Variants in PLXNA1 observed in about 807,000 individuals in gnomAD.
The protein encoded by PLXNA1 is plexin-A1.
A neutral mutation model predicts 191.7 loss-of-function variants in PLXNA1; 77 were observed. The observed-to-expected ratio is 0.40, with a 90% CI of 0.33 to 0.49. The LOEUF (loss-of-function observed/expected upper bound fraction) is 0.49, where lower values mean the gene tolerates loss of function less well. Ranked by LOEUF, PLXNA1 falls within the 20% of genes least tolerant of loss-of-function variation. The pLI, the probability that PLXNA1 is intolerant of heterozygous loss-of-function variation, is 0.63. For missense variants in PLXNA1, 2,110 were observed against 2,660.2 expected, an observed-to-expected ratio of 0.79 and a Z score of 4.55; for synonymous variants, 1,137 against 1,156.4, an observed-to-expected ratio of 0.98 and a Z score of 0.34.
At position 126,989,409 on chromosome 3, in the gene PLXNA1, C is replaced by T. The variant is rs200107075; in HGVS notation, c.816C>T (p.Ala272=). 654 of 1,613,524 alleles carry T rather than the reference C, an allele frequency of 4.1e-4. No individual in the cohort carries two copies. Among genetic ancestry groups the T allele is most frequent in the Non-Finnish European group, 4.9e-4 (581 of 1,180,016 alleles). Residue 272 remains alanine (A), a synonymous_variant, in exon 2 of 32, where the codon GCC becomes GCT. Coordinates refer to ENST00000393409, the MANE Select transcript of PLXNA1 (RefSeq NM_032242.4). ...ACACACAGCTGACCTCGCCTGATGCCGCCGGCGAGCACTTCTTCACGTCCA... is the reference window on the plus strand; with the variant it reads ...ACACACAGCTGACCTCGCCTGATGCTGCCGGCGAGCACTTCTTCACGTCCA... ...QLDTQLTSPD[A]AGEHFFTSKI... is the part of the protein sequence containing the mutation.
chr3:127,030,559 T>C (rs1372375019), intron 29 of PLXNA1, 147 bp downstream of exon 29: 2 of 959,292 alleles, frequency 2.1e-6, no homozygotes, highest in Non-Finnish European at 1.5e-6. Flanking sequence ...GGGCCAGTCC[T>C]GTGCTAACTG....
At position 127,029,493 on chromosome 3, in the gene PLXNA1, C is replaced by T. The variant is rs770525434; in HGVS notation, c.4827C>T (p.Asn1609=). ...TGCCCAAGCAGACGTCCGCCTACAA[C>T]ATCTCCAACTCCTCCACCTTCACCA... is the stretch of plus-strand genomic sequence containing the variant. ...ALVPKQTSAY[N]ISNSSTFTKS... Residue 1609 remains asparagine, a synonymous_variant, in exon 27 of 32, where the codon AAC becomes AAT. Coordinates refer to ENST00000393409, the MANE Select transcript of PLXNA1 (RefSeq NM_032242.4). 7 of 1,613,988 alleles carry T rather than the reference C, an allele frequency of 4.3e-6. No homozygotes were observed. In the South Asian group the frequency reaches 4.4e-5, roughly 10 times the overall value.
intron 21 of PLXNA1, 62 bp from the exon 22 acceptor site, chr3:127,022,023 G>C: frequency 6.4e-7 from 1 of 1,569,872 alleles, no homozygotes; most frequent in Non-Finnish European, 8.7e-7. Flanking sequence ...GCCCCTCACT[G>C]GTCAGCTTGG....
chr3:127,005,554 C>T (rs1025096637), intron 7 of PLXNA1, among the ~76,000 whole-genome samples: 2 of 152,210 alleles, frequency 1.3e-5, no homozygotes, highest in African/African-American at 2.4e-5. Context: ...ACTTCACCTC[C>T]GCTACCATAA....
intron 9 of PLXNA1, among the ~76,000 whole-genome samples, chr3:127,009,207 C>T (rs2079083809): frequency 6.6e-6 from 1 of 152,102 alleles, no homozygotes; most frequent in Non-Finnish European, 1.5e-5. Flanking sequence ...GGGGTGGTAG[C>T]AGGGCCCTGG....
intron 7 of PLXNA1, 28 bp from the exon 8 acceptor site, chr3:127,006,051 T>G (rs760064705): frequency 1.6e-5 from 25 of 1,582,230 alleles, no homozygotes; most frequent in Non-Finnish European, 2.2e-5. Context: ...CAAGCAGTCC[T>G]GGTGACTCAG....
At position 126,989,484 on chromosome 3, in the gene PLXNA1, G is replaced by A. The variant is rs776489016; in HGVS notation, c.891G>A (p.Glu297=). Residue 297 remains glutamate (E), a synonymous_variant, in exon 2 of 32, where the codon GAG becomes GAA. Transcript: ENST00000393409. ...ACCCCAAATTCTACTCGTACGTTGA[G>A]TTCCCCATTGGCTGCGAGCAGGCGG... ...VDDPKFYSYV[E]FPIGCEQAGV... The A allele has an allele frequency of 8.7e-6, 14 of 1,613,628 alleles. No homozygotes were observed. Among genetic ancestry groups the A allele is most frequent in the South Asian group, 3.3e-5 (3 of 91,088 alleles).
intron 3 of PLXNA1, among the ~76,000 whole-genome samples, chr3:127,002,093 G>C (rs1353573186): frequency 6.6e-6 from 1 of 152,256 alleles, no homozygotes; most frequent in Non-Finnish European, 1.5e-5. Flanking sequence ...ACCGGCAGGG[G>C]TGCTGGGCGG....
intron 3 of PLXNA1, among the ~76,000 whole-genome samples, chr3:126,997,847 G>A (rs987304304): frequency 2.0e-5 from 3 of 152,228 alleles, no homozygotes; most frequent in Non-Finnish European, 2.9e-5. Flanking sequence ...GCCAGGGCAC[G>A]GGCCCGTCAA....
rs771998859 is a variant in PLXNA1 at position 127,014,256 on chromosome 3, G to A, written c.2485G>A (p.Gly829Arg). 5 of 1,600,480 alleles carry A rather than the reference G, an allele frequency of 3.1e-6. No homozygotes were observed. The highest frequency in any genetic ancestry group is 1.7e-5 in the Admixed American group (1 of 58,486). The change falls in exon 12 of 32, where the codon GGA becomes AGA. Residue 829 changes from glycine (G) to arginine (R), a missense_variant. Gly to Arg is a moderately radical substitution (Grantham distance 125). Around this residue, in one of 4 missense-constraint regions of PLXNA1, gnomAD observed 644 missense variants for 714.3 expected, o/e 0.90. Coordinates refer to ENST00000393409, the MANE Select transcript of PLXNA1 (RefSeq NM_032242.4). ...CLKADPRFEC[G>R]WCVAERRCSL... is the part of the protein sequence containing the mutation. ...CAAGGCCGACCCGCGCTTCGAGTGC[G>A]GATGGTGCGTGGCCGAGCGCCGCTG...
intron 3 of PLXNA1, 62 bp from the exon 4 acceptor site, chr3:127,003,268 G>C (rs1002648954): frequency 2.7e-6 from 4 of 1,495,230 alleles, no homozygotes; most frequent in Non-Finnish European, 3.6e-6. Flanking sequence ...CCTTCTGTGG[G>C]GGGTGGGGCT....
Position 127,032,465 on chromosome 3 carries a change from C to T in PLXNA1, c.5310C>T (p.Asp1770=), listed in dbSNP as rs552896819. The change falls in exon 30 of 32, where the codon GAC becomes GAT. Residue 1770 remains aspartate (D), a synonymous_variant. Transcript: ENST00000393409. ...ACATTCACAAGAACAGCATCACGGA[C>T]GCCTGCTTGTCGGTGGTGGCCCAGA... is the stretch of plus-strand genomic sequence containing the variant. ...VFDIHKNSIT[D]ACLSVVAQTF... is the part of the protein sequence containing the mutation. The T allele has an allele frequency of 1.7e-5, 27 of 1,614,096 alleles. No individual in the cohort carries two copies. Among genetic ancestry groups the T allele is most frequent in the African/African-American group, 2.7e-5 (2 of 75,058 alleles).
In PLXNA1 at chr3:127,032,701, C is replaced by T. The variant is rs757352403; in HGVS notation, c.5460C>T (p.Ile1820=). Residue 1820 remains isoleucine (I), a synonymous_variant, in exon 31 of 32, where the codon ATC becomes ATT. Transcript: ENST00000393409. ...TCACCTGCAGGTACTATGCAGACATCGCCAAGATGCCAGCCATCAGCGACC... is the reference window on the plus strand; with the variant it reads ...TCACCTGCAGGTACTATGCAGACATTGCCAAGATGCCAGCCATCAGCGACC... ...KSWVERYYAD[I]AKMPAISDQD... is the part of the protein sequence containing the mutation. 9.3e-6 allele frequency: 15 copies of T among 1,613,178 alleles called. No individual in the cohort carries two copies. Among genetic ancestry groups the T allele is most frequent in the East Asian group, 4.5e-5 (2 of 44,886 alleles).
chr3:127,025,909 C>T (rs1259554542), intron 23 of PLXNA1, among the ~76,000 whole-genome samples: 1 of 152,198 alleles, frequency 6.6e-6, no homozygotes, highest in African/African-American at 2.4e-5. Flanking sequence ...CTTTTCATTC[C>T]TTGCTGTCTT....
At chr3:126,999,216 C>G (rs1265679979) in intron 3 of PLXNA1, among the ~76,000 whole-genome samples, 2 of 152,214 alleles carry the variant, frequency 1.3e-5, no homozygotes, top group African/African-American at 4.8e-5. Context: ...TCGGGCAGCC[C>G]TTCCTGGGGC....
chr3:127,001,873 T>A (rs2079042333), intron 3 of PLXNA1, among the ~76,000 whole-genome samples: 1 of 152,230 alleles, frequency 6.6e-6, no homozygotes, highest in South Asian at 2.1e-4. Flanking sequence ...CAGAGGCTGG[T>A]CCTGGCTGGC....
At position 126,989,337 on chromosome 3, in the gene PLXNA1, C is replaced by T. The variant is rs774595044; in HGVS notation, c.744C>T (p.Tyr248=). Residue 248 remains tyrosine (Y), a synonymous_variant, in exon 2 of 32, where the codon TAC becomes TAT. Coordinates refer to ENST00000393409, the MANE Select transcript of PLXNA1 (RefSeq NM_032242.4). The stretch of plus-strand genomic sequence containing the variant: ...CGGCCTTTGACATCTACTATGTGTA[C>T]AGCTTCCGCAGCGAGCAGTTTGTCT... ...KFPAFDIYYV[Y]SFRSEQFVYY... The T allele has an allele frequency of 3.7e-6, 6 of 1,613,546 alleles. No individual in the cohort carries two copies. In the African/African-American group the frequency reaches 4.0e-5, roughly 11 times the overall value.
chr3:126,989,427 C>G lies in PLXNA1; in HGVS notation c.834C>G (p.Phe278Leu), dbSNP rs764788795. ...TSPDAAGEHF[F>L]TSKIVRLCVD... is the part of the protein sequence containing the mutation. ...CTGATGCCGCCGGCGAGCACTTCTT[C>G]ACGTCCAAGATCGTGCGGCTCTGTG... Residue 278 changes from phenylalanine (F) to leucine (L), a missense_variant, in exon 2 of 32, where the codon TTC becomes TTG. Phe to Leu is a conservative substitution (Grantham distance 22). Transcript: ENST00000393409. 2 of 1,613,634 alleles carry G rather than the reference C, an allele frequency of 1.2e-6. No homozygotes were observed.
At chr3:127,032,079 G>A in intron 29 of PLXNA1, 1 of 385,688 alleles carries the variant, frequency 2.6e-6, no homozygotes, top group South Asian at 2.4e-5. Flanking sequence ...GCCTAGGAGG[G>A]TGGTGGCTGT....
Sources: allele counts gnomAD v4.1 joint callset (sites outside exome capture counted in the v4.1 genomes callset), GRCh38; gene constraint gnomAD v4.1.1; regional missense constraint gnomAD v4.1.1; transcripts MANE v1.5; gene names NCBI Gene and HGNC (gene_info 2026-07-23, HGNC 2026-07-21).